Variants in SBF2 observed in about 807,000 individuals in gnomAD.
The protein encoded by SBF2 is myotubularin-related protein 13.
A neutral mutation model predicts 225.2 loss-of-function variants in SBF2; 112 were observed. That is an observed-to-expected ratio of 0.50 (90% CI 0.43 to 0.58). The LOEUF is 0.58. Among genes scored for constraint, SBF2 ranks in the 20% least tolerant of loss-of-function variants. The pLI is 0.00. For synonymous variants in SBF2, 763 were observed against 773.3 expected, an observed-to-expected ratio of 0.99 and a Z score of 0.22; for missense variants, 1,996 against 2,206.2, an observed-to-expected ratio of 0.90 and a Z score of 1.91.
intron 17 of SBF2, among the ~76,000 whole-genome samples, chr11:9,859,839 A>C (rs1402696677): frequency 6.6e-6 from 1 of 152,222 alleles, no homozygotes; most frequent in Non-Finnish European, 1.5e-5. Context: ...ATTTTGCCTT[A>C]AAGAGTCTCT....
chr11:9,911,311 G>A (rs1862595421), intron 16 of SBF2, among the ~76,000 whole-genome samples: 1 of 151,434 alleles, frequency 6.6e-6, no homozygotes, highest in East Asian at 1.9e-4. Flanking sequence ...AAGTTTCAAG[G>A]AGGCAGAAGT....
chr11:10,214,783 T>C (rs141322469), intron 1 of SBF2, among the ~76,000 whole-genome samples: 32 of 152,356 alleles, frequency 2.1e-4, no homozygotes, highest in Middle Eastern at 3.4e-3. Flanking sequence ...TGGTTACCAG[T>C]GACCCTTCTA....
intron 17 of SBF2, among the ~76,000 whole-genome samples, chr11:9,882,134 C>A (rs1859819732): frequency 6.6e-6 from 1 of 152,092 alleles, no homozygotes; most frequent in African/African-American, 2.4e-5. Flanking sequence ...AATTCCAGAC[C>A]AATACAAATG....
At chr11:10,101,475 G>C (rs1028208096) in intron 2 of SBF2, among the ~76,000 whole-genome samples, 1 of 152,130 alleles carries the variant, frequency 6.6e-6, no homozygotes, top group African/African-American at 2.4e-5. Flanking sequence ...AAACAGAAAA[G>C]GGTGATTTCC....
At chr11:10,102,875 A>G (rs1490035993) in intron 2 of SBF2, among the ~76,000 whole-genome samples, 1 of 152,252 alleles carries the variant, frequency 6.6e-6, no homozygotes, top group African/African-American at 2.4e-5. Flanking sequence ...ACTAATAAAA[A>G]GTGGATGGAT....
chr11:10,162,313 G>C (rs1351944709), intron 2 of SBF2, among the ~76,000 whole-genome samples: 3 of 151,930 alleles, frequency 2.0e-5, no homozygotes, highest in African/African-American at 7.3e-5. Context: ...ATAACTAGTG[G>C]AACTAACCGA....
intron 1 of SBF2, among the ~76,000 whole-genome samples, chr11:10,209,310 T>TCTG (rs56082046): frequency 6.7e-6 from 1 of 148,524 alleles, no homozygotes; most frequent in Non-Finnish European, 1.5e-5. Flanking sequence ...CACAAATTTG[T>TCTG]TTTTTTTTTT....
At chr11:10,014,845 C>T (rs1948592310) in intron 6 of SBF2, among the ~76,000 whole-genome samples, 1 of 151,968 alleles carries the variant, frequency 6.6e-6, no homozygotes, top group African/African-American at 2.4e-5. Flanking sequence ...TAGTACTGTA[C>T]CAGGCCTGGT....
In SBF2 at chr11:10,132,804, G is replaced by A. The variant is rs557419221; in HGVS notation, c.141+61098C>T. ...CCACCCACATCCTGCTGATTGGTAG[G>A]GCCGAGTGGCCTGTTTTGTCAGGGC... On this transcript the variant is annotated intron_variant, in intron 2 of 39. Transcript: ENST00000256190. 3.4e-3 allele frequency among the ~76,000 whole-genome samples: 508 copies of A among 148,948 alleles called. 18 individuals are homozygous for A. The highest frequency in any genetic ancestry group is 6.9e-3 in the Middle Eastern group (2 of 290).
At position 9,816,975 on chromosome 11, in the gene SBF2, T is replaced by C. The variant is rs147597665; in HGVS notation, c.3843A>G (p.Thr1281=). The change falls in exon 29 of 40, where the codon ACA becomes ACG. Residue 1281 remains threonine, a synonymous_variant. Coordinates refer to ENST00000256190, the MANE Select transcript of SBF2 (RefSeq NM_030962.4). The part of the protein sequence containing the change: ...RSSTRLISSP[T]SFIDVGARLA... ...GCCGGGCGCCAACATCAATGAAGGATGTTGGAGAGCTGATCAAGCGAGTGC... is the reference window on the plus strand; with the variant it reads ...GCCGGGCGCCAACATCAATGAAGGACGTTGGAGAGCTGATCAAGCGAGTGC... 1.3e-4 allele frequency: 213 copies of C among 1,613,926 alleles called. 1 individual carries two copies. Among genetic ancestry groups the C allele is most frequent in the African/African-American group, 4.0e-5 (3 of 74,870 alleles).
intron 1 of SBF2, among the ~76,000 whole-genome samples, chr11:10,240,203 G>A (rs779730728): frequency 9.3e-5 from 14 of 149,818 alleles, no homozygotes; most frequent in Non-Finnish European, 1.9e-4. Context: ...TAATTTTAAT[G>A]AAGTGCAGGC....
At chr11:10,047,863 G>A (rs1413604888) in intron 2 of SBF2, among the ~76,000 whole-genome samples, 1 of 152,074 alleles carries the variant, frequency 6.6e-6, no homozygotes, top group South Asian at 2.1e-4. Flanking sequence ...GATAACTTAA[G>A]AATCATTTAT....
At chr11:10,069,986 T>C (rs1478741885) in intron 2 of SBF2, among the ~76,000 whole-genome samples, 1 of 152,260 alleles carries the variant, frequency 6.6e-6, no homozygotes, top group Admixed American at 6.5e-5. Context: ...TCATATCCTT[T>C]GCCCACTTGT....
chr11:10,000,570 C>T (rs1011910844), intron 8 of SBF2, among the ~76,000 whole-genome samples: 3 of 152,080 alleles, frequency 2.0e-5, no homozygotes, highest in Admixed American at 6.6e-5. Flanking sequence ...AATTTGGTAT[C>T]AAGACACGTC....
intron 8 of SBF2, among the ~76,000 whole-genome samples, chr11:9,999,333 T>TATGTATG: frequency 6.7e-6 from 1 of 148,548 alleles, no homozygotes; most frequent in African/African-American, 2.5e-5. Context: ...ATGTATGTAT[T>TATGTATG]TATTTTTGAG....
At chr11:9,868,805 T>C (rs558368110) in intron 17 of SBF2, among the ~76,000 whole-genome samples, 12 of 152,278 alleles carry the variant, frequency 7.9e-5, no homozygotes, top group East Asian at 7.7e-4. Flanking sequence ...TCCTACAAAT[T>C]AGTAGTTGAA....
At chr11:9,942,383 T>C (rs762268053) in intron 16 of SBF2, among the ~76,000 whole-genome samples, 1 of 152,234 alleles carries the variant, frequency 6.6e-6, no homozygotes, top group African/African-American at 2.4e-5. Context: ...ATTAAAGATC[T>C]AGATGTACAA....
At chr11:9,930,292 TA>T (rs1431930039) in intron 16 of SBF2, among the ~76,000 whole-genome samples, 2 of 152,152 alleles carry the variant, frequency 1.3e-5, no homozygotes, top group African/African-American at 4.8e-5. Context: ...TATTCACCAT[TA>T]AAAAGGAATG....
intron 33 of SBF2, among the ~76,000 whole-genome samples, chr11:9,791,421 C>CAAAAAAAA (rs11343948): frequency 8.0e-6 from 1 of 125,456 alleles, no homozygotes; most frequent in Non-Finnish European, 1.6e-5. Context: ...ACCAGTTTAT[C>CAAAAAAAA]AAAAAAAAAA....
Sources: allele counts gnomAD v4.1 joint callset (sites outside exome capture counted in the v4.1 genomes callset), GRCh38; gene constraint gnomAD v4.1.1; transcripts MANE v1.5; gene names NCBI Gene and HGNC (gene_info 2026-07-23, HGNC 2026-07-21).